Variants in DIS3L2 observed in about 807,000 individuals in gnomAD.
The protein encoded by DIS3L2 is DIS3-like exonuclease 2.
DIS3L2 carries 34 observed loss-of-function variants against 97.5 expected under a neutral mutation model. The ratio of observed to expected loss-of-function variants is 0.35; its 90% CI spans 0.27 to 0.46. The LOEUF is 0.46. DIS3L2 is among the 20% of genes least tolerant of loss of function. DIS3L2 has a pLI of 1.00. For missense variants in DIS3L2, 1,038 were observed against 1,146.0 expected (o/e 0.91, Z 1.36); for synonymous variants, 435 against 445.2 (o/e 0.98, Z 0.29).
intron 5 of DIS3L2, among the ~76,000 whole-genome samples, chr2:232,034,630 C>T (rs1456951299): frequency 6.6e-6 from 1 of 152,218 alleles, no homozygotes; most frequent in Non-Finnish European, 1.5e-5. Flanking sequence ...CTTCTAAAGA[C>T]TGCTTTAGCT....
intron 14 of DIS3L2, among the ~76,000 whole-genome samples, chr2:232,318,958 C>T (rs563902474): frequency 6.6e-6 from 1 of 152,204 alleles, no homozygotes; most frequent in Non-Finnish European, 1.5e-5. Context: ...CAACACAGGG[C>T]GGGGGTCTTC....
chr2:232,100,968 G>A (rs1272072514), intron 6 of DIS3L2, among the ~76,000 whole-genome samples: 1 of 152,090 alleles, frequency 6.6e-6, no homozygotes, highest in African/African-American at 2.4e-5. Flanking sequence ...GGGTGTGGTG[G>A]CTCACGCCTG....
intron 5 of DIS3L2, among the ~76,000 whole-genome samples, chr2:232,057,548 A>G (rs752284368): frequency 2.6e-5 from 4 of 152,162 alleles, no homozygotes; most frequent in Non-Finnish European, 5.9e-5. Flanking sequence ...GCTGCCCTTG[A>G]AGAAACAAAC....
At chr2:232,335,596 C>G in intron 19 of DIS3L2, 177 bp from the exon 20 acceptor site, 1 of 679,246 alleles carries the variant, frequency 1.5e-6, no homozygotes, top group Admixed American at 2.8e-5. Flanking sequence ...GTCACTCTCA[C>G]CTGCTGCCTC....
intron 12 of DIS3L2, among the ~76,000 whole-genome samples, chr2:232,253,190 A>C (rs1693464354): frequency 6.6e-6 from 1 of 152,164 alleles, no homozygotes; most frequent in Non-Finnish European, 1.5e-5. Context: ...AATAATTTTT[A>C]CTCCTCTGTC....
At chr2:232,252,006 G>C (rs943574814) in intron 12 of DIS3L2, among the ~76,000 whole-genome samples, 7 of 150,650 alleles carry the variant, frequency 4.6e-5, no homozygotes, top group Admixed American at 3.3e-4. Flanking sequence ...AATACAGAAA[G>C]AAGTGAAGGA....
intron 20 of DIS3L2, 148 bp downstream of exon 20, chr2:232,336,022 C>G: frequency 6.6e-7 from 1 of 1,522,748 alleles, no homozygotes; most frequent in Non-Finnish European, 8.8e-7. Context: ...CCCAGCTCAC[C>G]CAGACCCCCT....
At chr2:232,287,110 G>T (rs560565882) in intron 13 of DIS3L2, among the ~76,000 whole-genome samples, 1 of 152,302 alleles carries the variant, frequency 6.6e-6, no homozygotes, top group East Asian at 1.9e-4. Flanking sequence ...TAGACTTTGA[G>T]ATCCTCTGTC....
At chr2:232,029,177 G>A (rs1694739213) in intron 4 of DIS3L2, among the ~76,000 whole-genome samples, 1 of 152,088 alleles carries the variant, frequency 6.6e-6, no homozygotes, top group Non-Finnish European at 1.5e-5. Context: ...AAGAAAAAAT[G>A]TTTTACTTCT....
chr2:232,302,243 G>T (rs1044786682), intron 14 of DIS3L2, among the ~76,000 whole-genome samples: 3 of 151,904 alleles, frequency 2.0e-5, no homozygotes, highest in Admixed American at 1.3e-4. Context: ...GTAGTGGAGT[G>T]GGGGGAGTGG....
chr2:232,157,066 T>C (rs1690513418), intron 8 of DIS3L2, among the ~76,000 whole-genome samples: 1 of 152,194 alleles, frequency 6.6e-6, no homozygotes, highest in Non-Finnish European at 1.5e-5. Context: ...CTGAGTAACC[T>C]CTCAGTTGGC....
At chr2:232,133,500 G>A (rs921791249) in intron 7 of DIS3L2, among the ~76,000 whole-genome samples, 21 of 152,098 alleles carry the variant, frequency 1.4e-4, no homozygotes, top group African/African-American at 3.9e-4. Flanking sequence ...GATACAATTG[G>A]AAACCACCAA....
intron 11 of DIS3L2, among the ~76,000 whole-genome samples, chr2:232,248,465 C>CAGTT (rs1559174027): frequency 6.6e-6 from 1 of 152,016 alleles, no homozygotes; most frequent in East Asian, 1.9e-4. Context: ...TCAGGAGATA[C>CAGTT]AGAGATATTC....
intron 8 of DIS3L2, among the ~76,000 whole-genome samples, chr2:232,158,003 T>C (rs1041119785): frequency 6.6e-6 from 1 of 152,148 alleles, no homozygotes; most frequent in African/African-American, 2.4e-5. Flanking sequence ...ACATGTCTTT[T>C]CCCTAGATGC....
At chr2:232,056,104 C>A (rs1695544473) in intron 5 of DIS3L2, among the ~76,000 whole-genome samples, 2 of 152,100 alleles carry the variant, frequency 1.3e-5, no homozygotes, top group South Asian at 4.1e-4. Context: ...GGCGTGATGC[C>A]TTATACCTGT....
At chr2:231,979,680 C>T (rs904515504) in intron 1 of DIS3L2, among the ~76,000 whole-genome samples, 57 of 152,016 alleles carry the variant, frequency 3.7e-4, no homozygotes, top group Admixed American at 3.3e-4. Context: ...TGGGTTCAAG[C>T]GATTCTCCTG....
chr2:232,185,584 C>T (rs1691409575), intron 9 of DIS3L2, among the ~76,000 whole-genome samples: 2 of 152,140 alleles, frequency 1.3e-5, no homozygotes, highest in African/African-American at 4.8e-5. Flanking sequence ...CCTGTAATCC[C>T]AGCACTTTGG....
chr2:232,061,177 G>A (rs1031640189), intron 5 of DIS3L2, among the ~76,000 whole-genome samples: 4 of 152,068 alleles, frequency 2.6e-5, no homozygotes, highest in Non-Finnish European at 4.4e-5. Context: ...AGGACTTCCC[G>A]AGCAACTTAT....
chr2:232,050,456 T>C (rs1434526382), intron 5 of DIS3L2, among the ~76,000 whole-genome samples: 1 of 151,836 alleles, frequency 6.6e-6, no homozygotes, highest in East Asian at 1.9e-4. Flanking sequence ...TTTTTTTTTT[T>C]TTTTAGTAGA....
Sources: allele counts gnomAD v4.1 joint callset (sites outside exome capture counted in the v4.1 genomes callset), GRCh38; gene constraint gnomAD v4.1.1; transcripts MANE v1.5; gene names NCBI Gene and HGNC (gene_info 2026-07-23, HGNC 2026-07-21).